AFF4: variants seen among roughly 807,000 people sequenced by gnomAD.
AFF4 encodes the protein ALF transcription elongation factor 4, also known as AF4/FMR2 family member 4.
AFF4 carries 13 observed loss-of-function variants against 124.8 expected under a neutral mutation model. That is an observed-to-expected ratio of 0.10 (90% CI 0.07 to 0.17). AFF4 has a LOEUF of 0.17. Ranked by LOEUF, AFF4 falls within the 10% of genes least tolerant of loss-of-function variation. The pLI is 1.00. For missense variants in AFF4, 1,092 were observed against 1,403.8 expected, an observed-to-expected ratio of 0.78 and a Z score of 3.55; for synonymous variants, 477 against 496.1, an observed-to-expected ratio of 0.96 and a Z score of 0.51.
chr5:132,955,777 C>CAAA lies in AFF4; in HGVS notation c.-5+7479_-5+7481dup, dbSNP rs1214913729. Among the ~76,000 whole-genome samples, 613 of 71,116 alleles carry CAAA rather than the reference C, an allele frequency of 8.6e-3. 16 individuals carry two copies. Among genetic ancestry groups the CAAA allele is most frequent in the African/African-American group, 0.03 (529 of 17,772 alleles). The allele number at this position is 71,116 out of a possible 152,430, so 46.7% of individuals were successfully genotyped here. A position where few individuals can be genotyped will look rare whatever the true frequency, so the allele number is the denominator to read the frequency against. On this transcript the variant is annotated intron_variant, in intron 1 of 20. Coordinates refer to ENST00000265343, the MANE Select transcript of AFF4 (RefSeq NM_014423.4). ...TGGGTGATAGAGTGAGATTCCATCT[C>CAAA]AAAAAAAAAAAAAAAAAAATATATA...
In AFF4 at chr5:132,880,917, CA is replaced by C; in HGVS notation, c.*141del. The C allele has an allele frequency of 9.2e-7, 1 of 1,087,788 alleles. No individual in the cohort carries two copies. The highest frequency in any genetic ancestry group is 1.3e-6 in the Non-Finnish European group (1 of 783,600). 67.4% of individuals were successfully genotyped at this position (1,087,788 alleles called of 1,614,324 possible). On this transcript the variant is annotated 3_prime_UTR_variant, in exon 21 of 21. Coordinates refer to ENST00000265343, the MANE Select transcript of AFF4 (RefSeq NM_014423.4). The stretch of plus-strand genomic sequence containing the variant: ...AACTGACATGATCGCTTTGGATTAT[CA>C]AAAACAACAACACATGAACCAACGA...
chr5:132,946,387 A>G (rs572401520), intron 1 of AFF4, among the ~76,000 whole-genome samples: 2 of 152,376 alleles, frequency 1.3e-5, no homozygotes, highest in East Asian at 3.9e-4. Flanking sequence ...ATTGTTCACA[A>G]TAGCGAAAAG....
rs1760163269 is a variant in AFF4 at position 132,888,121 on chromosome 5, C to T, written c.2772G>A (p.Lys924=). ...SADHYLQEAK[K]LKHNADALSD... ...CCAATGCATCTGCATTGTGCTTTAG[C>T]TTTTTTGCTTCTTGTAAATAATGGT... Residue 924 remains lysine (K), a synonymous_variant, in exon 15 of 21, where the codon AAG becomes AAA. Transcript: ENST00000265343. 6 of 1,610,852 alleles carry T rather than the reference C, an allele frequency of 3.7e-6. No homozygotes were observed. The highest frequency in any genetic ancestry group is 3.3e-5 in the Admixed American group (2 of 59,790).
intron 5 of AFF4, among the ~76,000 whole-genome samples, chr5:132,925,574 G>C (rs1761151698): frequency 6.6e-6 from 1 of 152,006 alleles, no homozygotes; most frequent in African/African-American, 2.4e-5. Context: ...AAACAAAAAA[G>C]GAAGACCACC....
intron 5 of AFF4, among the ~76,000 whole-genome samples, chr5:132,912,127 C>A (rs189841079): frequency 7.1e-6 from 1 of 141,308 alleles, no homozygotes. Context: ...TGGAGGTTGG[C>A]GGATCACCTG....
At chr5:132,884,580 T>C (rs1174183966) in intron 19 of AFF4, among the ~76,000 whole-genome samples, 2 of 152,190 alleles carry the variant, frequency 1.3e-5, no homozygotes, top group Non-Finnish European at 2.9e-5. Context: ...TATAAACTTA[T>C]GTAAGAAAAT....
At chr5:132,916,272 A>ATT (rs955398551) in intron 5 of AFF4, among the ~76,000 whole-genome samples, 2 of 146,010 alleles carry the variant, frequency 1.4e-5, no homozygotes, top group Non-Finnish European at 3.0e-5. Flanking sequence ...AAAAAGAATC[A>ATT]CTTAAGCAGG....
intron 3 of AFF4, among the ~76,000 whole-genome samples, chr5:132,932,668 G>A (rs903208566): frequency 3.6e-4 from 55 of 152,290 alleles, no homozygotes; most frequent in African/African-American, 1.3e-3. Context: ...GCAGTAGGAC[G>A]TAAGTAACTC....
rs769224667 is a variant in AFF4 at position 132,927,225 on chromosome 5, C to T, written c.964-18G>A. The T allele has an allele frequency of 3.9e-5, 62 of 1,605,286 alleles. No individual in the cohort carries two copies. Among genetic ancestry groups the T allele is most frequent in the Admixed American group, 5.1e-5 (3 of 58,666 alleles). On this transcript the variant is annotated intron_variant, in intron 4 of 20. Coordinates refer to ENST00000265343, the MANE Select transcript of AFF4 (RefSeq NM_014423.4). ...GTCATCTCCTGAAATGTAATTATTA[C>T]AGTTTGTTTTCAACCAGGTCAAGGA...
intron 5 of AFF4, among the ~76,000 whole-genome samples, chr5:132,906,433 AAAGG>A (rs1476125372): frequency 1.3e-5 from 2 of 152,222 alleles, no homozygotes; most frequent in African/African-American, 4.8e-5. Context: ...TTGGCCATAA[AAAGG>A]AATGAAGTAC....
At chr5:132,944,224 C>A (rs1761641677) in intron 1 of AFF4, among the ~76,000 whole-genome samples, 1 of 150,940 alleles carries the variant, frequency 6.6e-6, no homozygotes, top group East Asian at 2.0e-4. Context: ...GTAGTCCCAG[C>A]TACTCGGGAG....
chr5:132,939,789 T>G (rs1761524836), intron 1 of AFF4, among the ~76,000 whole-genome samples: 1 of 152,208 alleles, frequency 6.6e-6, no homozygotes, highest in Non-Finnish European at 1.5e-5. Context: ...TTTTGTATTT[T>G]TAGTAGCGAT....
rs146517201 is a variant in AFF4 at position 132,886,423 on chromosome 5, G to A, written c.3006-20C>T. 96 of 1,610,646 alleles carry A rather than the reference G, an allele frequency of 6.0e-5. No homozygotes were observed. The highest frequency in any genetic ancestry group is 3.5e-4 in the Middle Eastern group (2 of 5,658). On this transcript the variant is annotated intron_variant, in intron 17 of 20. Coordinates refer to ENST00000265343, the MANE Select transcript of AFF4 (RefSeq NM_014423.4). ...CGCAGGCTAGCCAATGGAAAAGGGC[G>A]GCTTATTTACCAGGACAGCAAACTC...
rs375065053 is a variant in AFF4 at position 132,897,038 on chromosome 5, C to T, written c.1592G>A (p.Arg531Gln). The change falls in exon 11 of 21, where the codon CGA becomes CAA. Residue 531 changes from arginine (R) to glutamine (Q), a missense_variant. Arg to Gln is a conservative substitution (Grantham distance 43). Coordinates refer to ENST00000265343, the MANE Select transcript of AFF4 (RefSeq NM_014423.4). The part of the protein sequence containing the change: ...PKETSSATPG[R>Q]DSKTIQKGSE... ...TCCCTTTTGGATGGTTTTGGAGTCTCGTCCCGGAGTAGCGGAACTCGTTTC... is the reference window on the plus strand; with the variant it reads ...TCCCTTTTGGATGGTTTTGGAGTCTTGTCCCGGAGTAGCGGAACTCGTTTC... 17 of 1,614,196 alleles carry T rather than the reference C, an allele frequency of 1.1e-5. No homozygotes were observed. The highest frequency in any genetic ancestry group is 1.7e-4 in the Middle Eastern group (1 of 6,060).
intron 13 of AFF4, among the ~76,000 whole-genome samples, chr5:132,890,287 T>C (rs1259283650): frequency 6.6e-6 from 1 of 152,100 alleles, no homozygotes; most frequent in African/African-American, 2.4e-5. Context: ...TTTATTTGTT[T>C]GAGAAAGGGT....
chr5:132,903,809 G>A (rs1321994101), intron 6 of AFF4: 1 of 152,234 alleles, frequency 6.6e-6, no homozygotes, highest in African/African-American at 2.4e-5. Context: ...AATAACTCTT[G>A]AGTTTACGAG....
chr5:132,893,038 G>A lies in AFF4; in HGVS notation c.2388C>T (p.Ser796=), dbSNP rs1760302218. 2 of 1,613,910 alleles carry A rather than the reference G, an allele frequency of 1.2e-6. No individual in the cohort carries two copies. Among genetic ancestry groups the A allele is most frequent in the Non-Finnish European group, 1.7e-6 (2 of 1,179,958 alleles). Reference sequence around the variant, plus strand: ...ATGTTTTGGGAACGTACTCTCTGTTGCTGGATGGCTTATGGCCTGCTGAAT... The same window carrying A: ...ATGTTTTGGGAACGTACTCTCTGTTACTGGATGGCTTATGGCCTGCTGAAT... The part of the protein sequence containing the change: ...DKNSAGHKPS[S]NRESSKQSAA... Residue 796 remains serine, a synonymous_variant, in exon 12 of 21, where the codon AGC becomes AGT. Coordinates refer to ENST00000265343, the MANE Select transcript of AFF4 (RefSeq NM_014423.4).
intron 1 of AFF4, among the ~76,000 whole-genome samples, chr5:132,956,192 A>G (rs1029918532): frequency 6.6e-6 from 1 of 152,088 alleles, no homozygotes; most frequent in South Asian, 2.1e-4. Flanking sequence ...GCCACAGTAA[A>G]TATTTCAGGT....
At chr5:132,944,863 G>C (rs1460942413) in intron 1 of AFF4, 1 of 151,096 alleles carries the variant, frequency 6.6e-6, no homozygotes, top group African/African-American at 2.4e-5. Flanking sequence ...ACGGGAGGTG[G>C]AGGTTGCAGT....
Sources: allele counts gnomAD v4.1 joint callset (sites outside exome capture counted in the v4.1 genomes callset), GRCh38; gene constraint gnomAD v4.1.1; transcripts MANE v1.5; gene names NCBI Gene and HGNC (gene_info 2026-07-23, HGNC 2026-07-21).